The following PRELID2 variants were observed in gnomAD, a reference collection of about 807,000 sequenced individuals.
The protein encoded by PRELID2 is PRELI domain-containing protein 2.
PRELID2 carries 25 observed loss-of-function variants against 28.4 expected under a neutral mutation model. That is an observed-to-expected ratio of 0.88 (90% confidence interval 0.64 to 1.23). The LOEUF (loss-of-function observed/expected upper bound fraction) is 1.23. Among genes scored for constraint, PRELID2 ranks in the 50% most tolerant of loss-of-function variants. PRELID2 has a pLI of 0.00. For missense variants in PRELID2, 201 were observed against 214.4 expected (o/e 0.94, Z 0.39); for synonymous variants, 76 against 71.6 (o/e 1.06, Z -0.31).
intron 5 of PRELID2, among the ~76,000 whole-genome samples, chr5:145,777,224 G>A (rs578166785): frequency 2.0e-5 from 3 of 152,054 alleles, no homozygotes; most frequent in Non-Finnish European, 4.4e-5. Context: ...TTTTAGAGAC[G>A]GGGTCTCACA....
chr5:145,264,364 C>T, the PRELID2 span, among the ~76,000 whole-genome samples: 29 of 152,128 alleles, frequency 1.9e-4, no homozygotes, highest in African/African-American at 7.0e-4. Context: ...ATGTAATACA[C>T]CACATACACA....
intron 1 of PRELID2, among the ~76,000 whole-genome samples, chr5:145,590,843 A>C (rs1348116449): frequency 6.6e-6 from 1 of 152,136 alleles, no homozygotes; most frequent in African/African-American, 2.4e-5. Context: ...GACATTAATT[A>C]AAACCCATGA....
At chr5:145,383,718 C>A in the PRELID2 span, among the ~76,000 whole-genome samples, 1 of 150,484 alleles carries the variant, frequency 6.6e-6, no homozygotes, top group African/African-American at 2.4e-5. Flanking sequence ...GTGTAAAAAT[C>A]TTCTAGAAGA....
intron 1 of PRELID2, among the ~76,000 whole-genome samples, chr5:145,522,822 T>G (rs13172719): frequency 6.2e-3 from 637 of 102,752 alleles, no homozygotes; most frequent in Middle Eastern, 0.011. Flanking sequence ...GGAGGAGGAG[T>G]AGGAGAAGAA....
At chr5:145,502,763 C>T (rs538363792) in intron 1 of PRELID2, among the ~76,000 whole-genome samples, 5 of 152,050 alleles carry the variant, frequency 3.3e-5, no homozygotes, top group African/African-American at 9.6e-5. Flanking sequence ...TAATTACAGG[C>T]CTCCAGTAGC....
intron 5 of PRELID2, among the ~76,000 whole-genome samples, chr5:145,780,602 TA>T: frequency 6.6e-6 from 1 of 152,332 alleles, no homozygotes; most frequent in Admixed American, 6.5e-5. Context: ...CATTGTTAAA[TA>T]AGTTTTTTTA....
the PRELID2 span, among the ~76,000 whole-genome samples, chr5:145,455,665 T>C: frequency 6.6e-5 from 10 of 152,230 alleles, no homozygotes; most frequent in Non-Finnish European, 1.5e-4. Flanking sequence ...TCCACATCCC[T>C]TGTAAGTTGT....
intron 1 of PRELID2, among the ~76,000 whole-genome samples, chr5:145,514,100 T>C (rs1441937116): frequency 1.3e-5 from 2 of 151,804 alleles, no homozygotes; most frequent in Non-Finnish European, 2.9e-5. Context: ...ACGGGCAAAA[T>C]TACCAGCTAG....
chr5:145,798,960 C>A (rs1019699522), intron 4 of PRELID2, among the ~76,000 whole-genome samples: 35 of 151,794 alleles, frequency 2.3e-4, no homozygotes, highest in African/African-American at 8.5e-4. Context: ...CAACATGGCA[C>A]ATGTATACCT....
intron 1 of PRELID2, among the ~76,000 whole-genome samples, chr5:145,612,048 G>C (rs898361407): frequency 2.6e-5 from 4 of 152,104 alleles, no homozygotes; most frequent in African/African-American, 9.7e-5. Flanking sequence ...AAAACCAGGT[G>C]TTTTACCAAC....
chr5:145,454,886 G>A, the PRELID2 span, among the ~76,000 whole-genome samples: 1 of 152,096 alleles, frequency 6.6e-6, no homozygotes, highest in Non-Finnish European at 1.5e-5. Context: ...TTAGCCCTTT[G>A]TCAGATGGAT....
intron 1 of PRELID2, among the ~76,000 whole-genome samples, chr5:145,544,822 C>T (rs768431913): frequency 6.6e-6 from 1 of 152,084 alleles, no homozygotes; most frequent in Non-Finnish European, 1.5e-5. Flanking sequence ...AAGAAATGTC[C>T]AATTTGGAGG....
chr5:145,394,546 A>G, the PRELID2 span, among the ~76,000 whole-genome samples: 258 of 152,288 alleles, frequency 1.7e-3, 6 homozygotes, highest in East Asian at 0.04. Context: ...ACAAACCTGC[A>G]TGTTATGCAC....
the PRELID2 span, among the ~76,000 whole-genome samples, chr5:145,309,205 T>C: frequency 1.3e-5 from 2 of 152,204 alleles, no homozygotes; most frequent in Non-Finnish European, 2.9e-5. Flanking sequence ...CTACAGGAAG[T>C]AATCAACACA....
At chr5:145,265,607 G>T in the PRELID2 span, among the ~76,000 whole-genome samples, 1 of 152,084 alleles carries the variant, frequency 6.6e-6, no homozygotes. Context: ...CATGGTATTG[G>T]TATAAAAATA....
At chr5:145,612,484 A>G (rs1753630989) in intron 1 of PRELID2, among the ~76,000 whole-genome samples, 1 of 152,182 alleles carries the variant, frequency 6.6e-6, no homozygotes, top group African/African-American at 2.4e-5. Flanking sequence ...TCCATAGGTT[A>G]TTGGGGTACA....
chr5:145,259,763 A>G, the PRELID2 span, among the ~76,000 whole-genome samples: 1 of 152,068 alleles, frequency 6.6e-6, no homozygotes, highest in African/African-American at 2.4e-5. Flanking sequence ...TTTTGAGTTA[A>G]TGCTAGAATT....
At chr5:145,505,154 A>C (rs550262831) in intron 1 of PRELID2, among the ~76,000 whole-genome samples, 1 of 137,504 alleles carries the variant, frequency 7.3e-6, no homozygotes, top group East Asian at 2.0e-4. Context: ...TTATATTTAA[A>C]CATACATTTT....
At chr5:145,366,281 A>G in the PRELID2 span, among the ~76,000 whole-genome samples, 2 of 151,960 alleles carry the variant, frequency 1.3e-5, no homozygotes, top group African/African-American at 2.4e-5. Context: ...TGACACTAAT[A>G]GCTCCATATT....
Sources: allele counts gnomAD v4.1 joint callset (sites outside exome capture counted in the v4.1 genomes callset), GRCh38; gene constraint gnomAD v4.1.1; transcripts MANE v1.5; gene names NCBI Gene and HGNC (gene_info 2026-07-23, HGNC 2026-07-21).